TMEM214: variants seen among roughly 807,000 people sequenced by gnomAD.
The protein encoded by TMEM214 is transmembrane protein 214.
Under a neutral mutation model 89.8 loss-of-function variants are expected in TMEM214, and 71 were observed. That is an observed-to-expected ratio of 0.79 (90% CI 0.65 to 0.96). The LOEUF is 0.96. TMEM214 is among the 40% of genes least tolerant of loss of function. The pLI, the probability that TMEM214 is intolerant of heterozygous loss-of-function variation, is 0.00. For synonymous variants in TMEM214, 332 were observed against 349.5 expected (o/e 0.95, Z 0.56); for missense variants, 754 against 843.4 (o/e 0.89, Z 1.31).
In TMEM214 at chr2:27,038,989, C is replaced by CT. The variant is rs1034854889; in HGVS notation, c.1408-58_1408-57insT. ...GAAGGCCTGGCTTGAGGTCTGCCCT[C>CT]AGAGGCAAAGACCAGCCCCTCGCTT... On this transcript the variant is annotated intron_variant, in intron 12 of 16. Coordinates refer to ENST00000238788, the MANE Select transcript of TMEM214 (RefSeq NM_017727.5). The surrounding 1 kb of genome is among the most constrained non-coding windows in gnomAD (Gnocchi z 4.4). 1.5e-4 allele frequency: 244 copies of CT among 1,577,908 alleles called. 2 individuals carry two copies. In the Admixed American group the frequency reaches 3.7e-3, roughly 24 times the overall value.
rs1667500751 is a variant in TMEM214, at chr2:27,035,246, G to A, written c.463G>A (p.Ala155Thr). The A allele has an allele frequency of 1.2e-6, 2 of 1,614,194 alleles. No homozygotes were observed. The highest frequency in any genetic ancestry group is 2.2e-5 in the East Asian group (1 of 44,884). Residue 155 changes from alanine (A) to threonine (T), a missense_variant, in exon 3 of 17, where the codon GCT becomes ACT. Transcript: ENST00000238788. Reference protein sequence around the residue: ...LASYLNYKLQAPLSEPTLSQH... With the variant: ...LASYLNYKLQTPLSEPTLSQH... ...CAGCTATCTCAACTACAAGCTACAA[G>A]CTCCTCTAAGTGAACCCACGCTGAG... is the stretch of plus-strand genomic sequence containing the variant.
intron 3 of TMEM214, 134 bp from the exon 4 acceptor site, chr2:27,035,460 C>G (rs1315762199): frequency 7.0e-7 from 1 of 1,420,946 alleles, no homozygotes; most frequent in Non-Finnish European, 9.6e-7. Context: ...CCCTCTGGGC[C>G]TCCTCAGAGG....
chr2:27,034,979 C>T (rs1667485917), intron 2 of TMEM214, among the ~76,000 whole-genome samples, 156 bp from the exon 3 acceptor site: 1 of 152,208 alleles, frequency 6.6e-6, no homozygotes, highest in South Asian at 2.1e-4. Context: ...GATGTAGGTA[C>T]AGCAGAATTG....
rs1400857566 is a variant in TMEM214, at chr2:27,038,831, C to G, written c.1407+16C>G. The G allele has an allele frequency of 1.5e-5, 24 of 1,602,608 alleles. No individual in the cohort carries two copies. The highest frequency in any genetic ancestry group is 2.1e-5 in the Non-Finnish European group (24 of 1,170,166). ...GGCCTGCAAGGTGCTGGCACCCGGT[C>G]CTCTCCAGCCCACACGCTATCTTAC... On this transcript the variant is annotated intron_variant, in intron 12 of 16. Transcript: ENST00000238788. The surrounding 1 kb of genome is among the most constrained non-coding windows in gnomAD (Gnocchi z 4.4).
At chr2:27,039,478 A>G (rs1193373845) in intron 13 of TMEM214, 7 of 595,432 alleles carry the variant, frequency 1.2e-5, no homozygotes, top group Non-Finnish European at 1.8e-5. Flanking sequence ...TAGTAAGTAG[A>G]AGGGCAGACC....
At chr2:27,037,896 T>C (rs751185171) in intron 9 of TMEM214, 194 bp downstream of exon 9, 1 of 1,552,476 alleles carries the variant, frequency 6.4e-7, no homozygotes, top group South Asian at 1.2e-5. Flanking sequence ...CATTCAGGTC[T>C]GGGTGGTTTC....
rs778230934 is a variant in TMEM214, at chr2:27,037,582, G to C, written c.1032G>C (p.Gln344His). The C allele has an allele frequency of 2.5e-6, 4 of 1,614,034 alleles. No individual in the cohort carries two copies. Among genetic ancestry groups the C allele is most frequent in the Non-Finnish European group, 2.5e-6 (3 of 1,180,042 alleles). The part of the protein sequence containing the change: ...LTPSLQEQLC[Q>H]LYPRLKVLAF... ...CCAGCCTGCAGGAGCAGCTGTGTCA[G>C]CTCTACCCCCGACTGAAAGTGCTGG... Residue 344 changes from glutamine (Q) to histidine (H), a missense_variant, in exon 9 of 17, where the codon CAG (glutamine) becomes CAC (histidine). Coordinates refer to ENST00000238788, the MANE Select transcript of TMEM214 (RefSeq NM_017727.5).
At position 27,038,157 on chromosome 2, in the gene TMEM214, C is replaced by A; in HGVS notation, c.1164C>A (p.Ser388Arg). The part of the protein sequence containing the change: ...PPEMKKELLS[S>R]LTECLTVDPL... ...GTCGTGCTGTGCAGCTCCTGAGCAG[C>A]CTGACTGAGTGCCTGACGGTGGACC... The change falls in exon 10 of 17, where the codon AGC becomes AGA. Residue 388 changes from serine (S) to arginine (R), a missense_variant. Coordinates refer to ENST00000238788, the MANE Select transcript of TMEM214 (RefSeq NM_017727.5). This position sits in a 1 kb window ranked among gnomAD's most constrained non-coding sequence, Gnocchi z 4.4. The A allele has an allele frequency of 6.2e-7, 1 of 1,614,162 alleles. No homozygotes were observed. Among genetic ancestry groups the A allele is most frequent in the Non-Finnish European group, 8.5e-7 (1 of 1,180,026 alleles).
Position 27,037,590 on chromosome 2 carries a change from C to T in TMEM214, c.1040C>T (p.Pro347Leu). The T allele has an allele frequency of 6.2e-7, 1 of 1,614,190 alleles. No individual in the cohort carries two copies. Among genetic ancestry groups the T allele is most frequent in the Non-Finnish European group, 8.5e-7 (1 of 1,180,028 alleles). Reference protein sequence around the residue: ...SLQEQLCQLYPRLKVLAFGAK... With the variant: ...SLQEQLCQLYLRLKVLAFGAK... ...CAGGAGCAGCTGTGTCAGCTCTACC[C>T]CCGACTGAAAGTGCTGGCATTTGGA... The change falls in exon 9 of 17, where the codon CCC becomes CTC. Residue 347 changes from proline to leucine, a missense_variant. Coordinates refer to ENST00000238788, the MANE Select transcript of TMEM214 (RefSeq NM_017727.5).
chr2:27,035,869 G>A (rs1667538791), intron 4 of TMEM214, 101 bp from the exon 5 acceptor site: 2 of 1,577,352 alleles, frequency 1.3e-6, no homozygotes, highest in Non-Finnish European at 1.7e-6. Flanking sequence ...GAAGTTAGGA[G>A]TCAGTGGACC....
chr2:27,039,232 C>A, intron 13 of TMEM214, 68 bp downstream of exon 13: 1 of 1,316,522 alleles, frequency 7.6e-7, no homozygotes, highest in South Asian at 1.2e-5. Flanking sequence ...AGCACCACCA[C>A]CCCGCCCCCA....
rs1667661766 is a variant in TMEM214, at chr2:27,038,258, G to A, written c.1244+21G>A. On this transcript the variant is annotated intron_variant, in intron 10 of 16. Transcript: ENST00000238788. This position sits in a 1 kb window ranked among gnomAD's most constrained non-coding sequence, Gnocchi z 4.4. ...TCCAGGCAGGTGGGGTGGGAGGCCA[G>A]CCTGTCCCTGTGCTAGAAGCAGAAG... The A allele has an allele frequency of 6.2e-7, 1 of 1,610,398 alleles. No individual in the cohort carries two copies. The highest frequency in any genetic ancestry group is 8.5e-7 in the Non-Finnish European group (1 of 1,176,988).
At position 27,040,081 on chromosome 2, in the gene TMEM214, G is replaced by A; in HGVS notation, c.1674G>A (p.Val558=). 6.2e-7 allele frequency: 1 copy of A among 1,608,964 alleles called. No individual in the cohort carries two copies. Among genetic ancestry groups the A allele is most frequent in the African/African-American group, 1.3e-5 (1 of 75,060 alleles). ...PLWGSHLLTV[V]RPSLQLAWAH... ...GGGGCTCCCACCTGCTCACCGTGGT[G>A]CGGCCCAGCTTGCAGCTGGCCTGGG... Residue 558 remains valine, a synonymous_variant, in exon 15 of 17, where the codon GTG becomes GTA. Transcript: ENST00000238788.
chr2:27,038,759 C>A lies in TMEM214; in HGVS notation c.1351C>A (p.Leu451Met). The change falls in exon 12 of 17, where the codon CTG (leucine) becomes ATG (methionine). Residue 451 changes from leucine to methionine, a missense_variant. Coordinates refer to ENST00000238788, the MANE Select transcript of TMEM214 (RefSeq NM_017727.5). This position sits in a 1 kb window ranked among gnomAD's most constrained non-coding sequence, Gnocchi z 4.4. ...CCTCAAGCTTACCAACCAGGAGCTG[C>A]TGAGGAAGGGTAGCAGTAACAACCA... The part of the protein sequence containing the change: ...QSLKLTNQEL[L>M]RKGSSNNQDV... 6.2e-7 allele frequency: 1 copy of A among 1,614,202 alleles called. No individual in the cohort carries two copies. The highest frequency in any genetic ancestry group is 8.5e-7 in the Non-Finnish European group (1 of 1,180,020).
At position 27,035,617 on chromosome 2, in the gene TMEM214, C is replaced by T. The variant is rs760450980; in HGVS notation, c.526C>T (p.Arg176Trp). Residue 176 changes from arginine to tryptophan, a missense_variant, in exon 4 of 17, where the codon CGG (arginine) becomes TGG (tryptophan). By Grantham distance (101) the Arg-to-Trp change is moderately radical (BLOSUM62 -3). Transcript: ENST00000238788. The stretch of plus-strand genomic sequence containing the variant: ...AGATTATCCCTACAGCCTGGTGAGC[C>T]GGGAGCTACGTGGGATCATCCGAGG... ...THDYPYSLVSRELRGIIRGLL... is the reference protein window; with the variant it reads ...THDYPYSLVSWELRGIIRGLL... 9.3e-6 allele frequency: 15 copies of T among 1,614,022 alleles called. No individual in the cohort carries two copies. The East Asian group carries it at 1.1e-4, about 12-fold the overall frequency.
At chr2:27,035,564 A>G (rs1398479322) in intron 3 of TMEM214, 30 bp from the exon 4 acceptor site, 1 of 1,613,332 alleles carries the variant, frequency 6.2e-7, no homozygotes, top group Admixed American at 1.7e-5. Context: ...GTCTGGTCCT[A>G]GCACTCACAT....
rs1194433023 is a variant in TMEM214, at chr2:27,036,604, A to T, written c.826+12A>T. ...CGAGGGACTGAAAGGTAACAGGGAA[A>T]TAGGGAAGAAAGAGGGAGGGTCTCG... On this transcript the variant is annotated intron_variant, in intron 6 of 16. Coordinates refer to ENST00000238788, the MANE Select transcript of TMEM214 (RefSeq NM_017727.5). 6.2e-7 allele frequency: 1 copy of T among 1,613,984 alleles called. No individual in the cohort carries two copies. Among genetic ancestry groups the T allele is most frequent in the East Asian group, 2.2e-5 (1 of 44,884 alleles).
rs1402130793 is a variant in TMEM214, at chr2:27,034,254, A to G, written c.339A>G (p.Glu113=). 18 of 1,613,718 alleles carry G rather than the reference A, an allele frequency of 1.1e-5. No homozygotes were observed. In the Middle Eastern group the frequency reaches 5.2e-4, roughly 46 times the overall value. Reference sequence around the variant, plus strand: ...AGGGCCGCTTCCGCAGCCTGGAGGAAGCACTGAAAGCTGTGAGTGTGCCTA... The same window carrying G: ...AGGGCCGCTTCCGCAGCCTGGAGGAGGCACTGAAAGCTGTGAGTGTGCCTA... ...QKQGRFRSLE[E]ALKALDVADL... Residue 113 remains glutamate (E), a synonymous_variant, in exon 2 of 17, where the codon GAA becomes GAG. Coordinates refer to ENST00000238788, the MANE Select transcript of TMEM214 (RefSeq NM_017727.5).
chr2:27,039,834 A>G lies in TMEM214; in HGVS notation c.1619A>G (p.Tyr540Cys), dbSNP rs755880599. 1 of 1,614,192 alleles carries G rather than the reference A, an allele frequency of 6.2e-7. No homozygotes were observed. Among genetic ancestry groups the G allele is most frequent in the Admixed American group, 1.7e-5 (1 of 60,032 alleles). Residue 540 changes from tyrosine (Y) to cysteine (C), a missense_variant, in exon 14 of 17, where the codon TAC becomes TGC. Coordinates refer to ENST00000238788, the MANE Select transcript of TMEM214 (RefSeq NM_017727.5). ...CTCTACTCCTACAGTCTGCAAGGCT[A>G]CAGGTGAGCTCCTCCCAGGGAGGGG... is the stretch of plus-strand genomic sequence containing the variant. ...AKLYSYSLQG[Y>C]SWLGETLPLW... is the part of the protein sequence containing the mutation.
Sources: gnomAD v4.1 joint callset for allele counts (sites outside exome capture counted in the v4.1 genomes callset) on GRCh38, gnomAD v4.1.1 for gene constraint, Gnocchi (gnomAD v3.1) non-coding constraint, MANE v1.5 for transcripts, NCBI Gene and HGNC (gene_info 2026-07-23, HGNC 2026-07-21) for gene names.